Variants in PCLO observed in about 807,000 individuals in gnomAD.
The protein encoded by PCLO is piccolo presynaptic cytomatrix protein, also known as protein piccolo.
In PCLO, 82 loss-of-function variants were observed where a neutral mutation model predicts 427.5. The ratio of observed to expected loss-of-function variants is 0.19; its 90% CI spans 0.16 to 0.23. The LOEUF (loss-of-function observed/expected upper bound fraction) is 0.23. Ranked by LOEUF, PCLO falls within the 10% of genes least tolerant of loss-of-function variation. The pLI, the probability that PCLO is intolerant of heterozygous loss-of-function variation, is 1.00. For missense variants in PCLO, 6,239 were observed against 6,115.9 expected (o/e 1.02, Z -0.67); for synonymous variants, 2,357 against 2,155.4 (o/e 1.09, Z -2.59).
chr7:82,797,118 A>C (rs1255459161), intron 22 of PCLO, among the ~76,000 whole-genome samples: 1 of 152,096 alleles, frequency 6.6e-6, no homozygotes, highest in Admixed American at 6.6e-5. Context: ...AGAATGTTTG[A>C]GATTTATTTG....
intron 6 of PCLO, among the ~76,000 whole-genome samples, chr7:82,926,613 G>A (rs958040018): frequency 2.0e-5 from 3 of 152,038 alleles, no homozygotes; most frequent in Non-Finnish European, 4.4e-5. Context: ...TCCTTAATGC[G>A]CCTCTTGTCC....
At chr7:82,783,897 TTTAA>T (rs1382365822) in intron 22 of PCLO, among the ~76,000 whole-genome samples, 3 of 150,626 alleles carry the variant, frequency 2.0e-5, no homozygotes, top group Non-Finnish European at 4.4e-5. Context: ...ACCTTGTTAT[TTTAA>T]TTATATATAA....
intron 10 of PCLO, among the ~76,000 whole-genome samples, chr7:82,870,093 T>C (rs142543516): frequency 1.6e-3 from 246 of 152,098 alleles, no homozygotes; most frequent in Non-Finnish European, 2.9e-3. Flanking sequence ...AAAAAATTTC[T>C]AATAGTTGAG....
Position 82,950,811 on chromosome 7 carries a change from C to T in PCLO, c.9777G>A (p.Glu3259=). Residue 3259 remains glutamate (E), a synonymous_variant, in exon 6 of 25, where the codon GAG becomes GAA. Coordinates refer to ENST00000333891, the MANE Select transcript of PCLO (RefSeq NM_033026.6). ...EKIMVQKKLE[E]LQSMKQHLLF... Reference sequence around the variant, plus strand: ...GAAGGTGTTGCTTCATAGACTGCAGCTCCTCCAACTTTTTCTGAACCATGA... The same window carrying T: ...GAAGGTGTTGCTTCATAGACTGCAGTTCCTCCAACTTTTTCTGAACCATGA... 6.2e-7 allele frequency: 1 copy of T among 1,613,700 alleles called. No homozygotes were observed.
At chr7:82,865,734 T>C (rs1397835350) in intron 10 of PCLO, among the ~76,000 whole-genome samples, 1 of 152,130 alleles carries the variant, frequency 6.6e-6, no homozygotes, top group Non-Finnish European at 1.5e-5. Context: ...TTTCATTAAC[T>C]AAATTAAATA....
chr7:82,824,484 A>G, intron 18 of PCLO, 68 bp from the exon 19 acceptor site: 1 of 999,914 alleles, frequency 1.0e-6, no homozygotes, highest in Non-Finnish European at 1.5e-6. Flanking sequence ...TACTTTTTCT[A>G]TGTTCTAAAA....
intron 3 of PCLO, among the ~76,000 whole-genome samples, chr7:83,131,975 GTA>G (rs1335262383): frequency 2.0e-5 from 3 of 151,868 alleles, no homozygotes; most frequent in Admixed American, 2.0e-4. Context: ...GTGTACAAAG[GTA>G]TATATATGCA....
chr7:83,143,342 T>A (rs935294420), intron 2 of PCLO, among the ~76,000 whole-genome samples: 7 of 152,184 alleles, frequency 4.6e-5, no homozygotes, highest in African/African-American at 1.7e-4. Context: ...TAATTTATTT[T>A]GGTTAAAAAC....
chr7:83,059,326 T>C (rs906289710), intron 3 of PCLO, among the ~76,000 whole-genome samples: 2 of 138,452 alleles, frequency 1.4e-5, no homozygotes, highest in African/African-American at 5.2e-5. Context: ...ATATATTATA[T>C]ATAATATATA....
intron 3 of PCLO, among the ~76,000 whole-genome samples, chr7:83,040,482 C>G (rs1407415128): frequency 1.3e-5 from 2 of 152,120 alleles, no homozygotes; most frequent in Non-Finnish European, 2.9e-5. Flanking sequence ...GTTTCGCAGG[C>G]TAATCTATTC....
At chr7:82,864,569 C>T (rs1793046390) in intron 10 of PCLO, among the ~76,000 whole-genome samples, 1 of 152,152 alleles carries the variant, frequency 6.6e-6, no homozygotes, top group Non-Finnish European at 1.5e-5. Flanking sequence ...TTAAAAACAT[C>T]TTGCCATTTG....
rs752113958 is a variant in PCLO, at chr7:82,879,409, C to T, written c.13582G>A (p.Gly4528Arg). Reference protein sequence around the residue: ...VGGKEIPGHSGEIGAYIAKIL... With the variant: ...VGGKEIPGHSREIGAYIAKIL... Reference sequence around the variant, plus strand: ...TTGGCAATATAGGCTCCAATTTCTCCACTATGTCCCGGGATTTCTTTACCA... The same window carrying T: ...TTGGCAATATAGGCTCCAATTTCTCTACTATGTCCCGGGATTTCTTTACCA... Residue 4528 changes from glycine (G) to arginine (R), a missense_variant, in exon 10 of 25, where the codon GGA becomes AGA. Physicochemically the swap from Gly to Arg is moderately radical, Grantham distance 125 (BLOSUM62 -2). Coordinates refer to ENST00000333891, the MANE Select transcript of PCLO (RefSeq NM_033026.6). The T allele has an allele frequency of 3.7e-6, 6 of 1,609,880 alleles. No homozygotes were observed. In the South Asian group the frequency reaches 4.4e-5, roughly 12 times the overall value.
At chr7:83,022,097 T>C (rs1000277613) in intron 3 of PCLO, among the ~76,000 whole-genome samples, 6 of 152,046 alleles carry the variant, frequency 3.9e-5, no homozygotes, top group Non-Finnish European at 7.4e-5. Context: ...AGTACTGAAG[T>C]GATGAGGGAG....
intron 4 of PCLO, among the ~76,000 whole-genome samples, chr7:82,957,309 T>C (rs74715522): frequency 0.015 from 2,353 of 152,240 alleles, 68 homozygotes; most frequent in African/African-American, 0.054. Context: ...TCTATTAACA[T>C]AAGTTATACT....
At chr7:83,108,615 GT>G (rs1790926827) in intron 3 of PCLO, among the ~76,000 whole-genome samples, 1 of 151,922 alleles carries the variant, frequency 6.6e-6, no homozygotes, top group African/African-American at 2.4e-5. Flanking sequence ...TCCATCCTTA[GT>G]TTTTAATCAT....
chr7:82,973,954 T>A (rs536406140), intron 3 of PCLO, among the ~76,000 whole-genome samples: 8 of 152,272 alleles, frequency 5.3e-5, no homozygotes, highest in African/African-American at 1.9e-4. Flanking sequence ...ACTAATGATC[T>A]CTGAATTTTC....
intron 22 of PCLO, among the ~76,000 whole-genome samples, chr7:82,791,100 C>T (rs935044596): frequency 1.3e-5 from 2 of 152,060 alleles, no homozygotes; most frequent in Non-Finnish European, 2.9e-5. Flanking sequence ...ACGGTAATAC[C>T]TTATTATAAA....
intron 3 of PCLO, among the ~76,000 whole-genome samples, chr7:83,107,713 A>G (rs149655259): frequency 1.7e-4 from 22 of 126,942 alleles, no homozygotes; most frequent in South Asian, 9.1e-4. Flanking sequence ...AGAAGAGAAT[A>G]TGTGCGGTGG....
At chr7:83,151,584 C>T (rs1235344965) in intron 2 of PCLO, among the ~76,000 whole-genome samples, 1 of 152,204 alleles carries the variant, frequency 6.6e-6, no homozygotes, top group East Asian at 1.9e-4. Context: ...AGCTTCTCTA[C>T]CTGCCCTTAT....
Sources: gnomAD v4.1 joint callset for allele counts (sites outside exome capture counted in the v4.1 genomes callset) on GRCh38, gnomAD v4.1.1 for gene constraint, MANE v1.5 for transcripts, NCBI Gene and HGNC (gene_info 2026-07-23, HGNC 2026-07-21) for gene names.